Variants in FAM234A observed in about 807,000 individuals in gnomAD.
The protein encoded by FAM234A is family with sequence similarity 234 member A.
A neutral mutation model predicts 49.1 loss-of-function variants in FAM234A; 42 were observed. The ratio of observed to expected loss-of-function variants is 0.86; its 90% confidence interval spans 0.67 to 1.11. The LOEUF (loss-of-function observed/expected upper bound fraction) is 1.11, where lower values mean the gene tolerates loss of function less well. FAM234A is among the 50% of genes least tolerant of loss of function. The pLI, the probability that FAM234A is intolerant of heterozygous loss-of-function variation, is 0.00. For missense variants in FAM234A, 815 were observed against 745.2 expected, an observed-to-expected ratio of 1.09 and a Z score of -1.09; for synonymous variants, 369 against 316.2, an observed-to-expected ratio of 1.17 and a Z score of -1.77.
chr16:251,044 C>T (rs1463454677), intron 2 of FAM234A, among the ~76,000 whole-genome samples: 1 of 152,160 alleles, frequency 6.6e-6, no homozygotes, highest in Non-Finnish European at 1.5e-5. Context: ...GCAACTTCCA[C>T]CTCCCGGGTT....
chr16:245,664 G>GA lies in FAM234A; in HGVS notation c.-139-3874dup, dbSNP rs11321870. ...TAACACTAATGATAGCTGATGAGCT[G>GA]AAAAAAAAAAATTGCAAAAAAATCT... is the stretch of plus-strand genomic sequence containing the variant. On this transcript the variant is annotated intron_variant, in intron 1 of 12. Coordinates refer to ENST00000399932, the MANE Select transcript of FAM234A (RefSeq NM_032039.4). 1.6e-4 allele frequency among the ~76,000 whole-genome samples: 24 copies of GA among 148,394 alleles called. 1 individual carries two copies. Among genetic ancestry groups the GA allele is most frequent in the South Asian group, 6.4e-4 (3 of 4,702 alleles).
At chr16:251,091 G>C (rs1273137610) in intron 2 of FAM234A, among the ~76,000 whole-genome samples, 1 of 152,084 alleles carries the variant, frequency 6.6e-6, no homozygotes, top group East Asian at 1.9e-4. Flanking sequence ...CGAGTAGCTG[G>C]GATTACAAGC....
Position 264,087 on chromosome 16 carries a change from A to C in FAM234A, c.1260A>C (p.Pro420=). Reference sequence around the variant, plus strand: ...CCCTCCCGAGCCTCCCTGGGGGTCCACTGTCCGCCAGCCTGCCGACCGCAG... The same window carrying C: ...CCCTCCCGAGCCTCCCTGGGGGTCCCCTGTCCGCCAGCCTGCCGACCGCAG... ...SLALPSLPGG[P]LSASLPTADH... Residue 420 remains proline, a synonymous_variant, in exon 11 of 13, where the codon CCA becomes CCC. Coordinates refer to ENST00000399932, the MANE Select transcript of FAM234A (RefSeq NM_032039.4). The C allele has an allele frequency of 6.2e-7, 1 of 1,612,428 alleles. No individual in the cohort carries two copies. Among genetic ancestry groups the C allele is most frequent in the South Asian group, 1.1e-5 (1 of 91,046 alleles).
intron 1 of FAM234A, among the ~76,000 whole-genome samples, chr16:236,950 G>T (rs1182210145): frequency 6.6e-6 from 1 of 151,554 alleles, no homozygotes; most frequent in African/African-American, 2.4e-5. Flanking sequence ...TAGGGATGGG[G>T]TCTCTCTTTC....
Position 255,888 on chromosome 16 carries a change from C to T in FAM234A, c.268+1207C>T, listed in dbSNP as rs1218367354. Among the ~76,000 whole-genome samples, 10 of 152,342 alleles carry T rather than the reference C, an allele frequency of 6.6e-5. No homozygotes were observed. In the East Asian group the frequency reaches 1.9e-3, roughly 29 times the overall value. ...GTGTTGGTCAGGCTGGTCTCAAACT[C>T]CCGACCTCAGATGATCTGCCCGCTT... On this transcript the variant is annotated intron_variant, in intron 3 of 12. Transcript: ENST00000399932.
At chr16:266,237 A>C (rs576422761), downstream of FAM234A, 953 of 343,722 alleles carry the variant, frequency 2.8e-3, 8 homozygotes, top group African/African-American at 0.019. Flanking sequence ...GCTGCCGAGG[A>C]GGCGAGCACC....
At chr16:257,314 C>T (rs1286083067) in intron 3 of FAM234A, among the ~76,000 whole-genome samples, 3 of 138,074 alleles carry the variant, frequency 2.2e-5, no homozygotes, top group Non-Finnish European at 3.0e-5. Context: ...GGCGCGATCT[C>T]GGCTCACTGC....
Position 266,076 on chromosome 16 carries a change from AT to A in FAM234A, c.*1059del. Reference sequence around the variant, plus strand: ...CACCAAGGAAGAAAGCAGAATAAACATTTTTGCACTGCCTGAAAAACCCCGG... The same window carrying A: ...CACCAAGGAAGAAAGCAGAATAAACATTTTGCACTGCCTGAAAAACCCCGG... On this transcript the variant is annotated 3_prime_UTR_variant, in exon 13 of 13. Coordinates refer to ENST00000399932, the MANE Select transcript of FAM234A (RefSeq NM_032039.4). 3 of 985,766 alleles carry A rather than the reference AT, an allele frequency of 3.0e-6. No homozygotes were observed. The highest frequency in any genetic ancestry group is 3.6e-6 in the Non-Finnish European group (3 of 829,936). 61.1% of individuals were successfully genotyped at this position (985,766 alleles called of 1,614,324 possible). A position where few individuals can be genotyped will look rare whatever the true frequency, so the allele number is the denominator to read the frequency against.
At position 265,925 on chromosome 16, in the gene FAM234A, ATGCAGGACTCACCTCTG is replaced by A. The variant is rs2051680074; in HGVS notation, c.*907_*923del. 1 of 986,146 alleles carries A rather than the reference ATGCAGGACTCACCTCTG, an allele frequency of 1.0e-6. No individual in the cohort carries two copies. The highest frequency in any genetic ancestry group is 1.7e-5 in the African/African-American group (1 of 57,210). 61.1% of individuals were successfully genotyped at this position (986,146 alleles called of 1,614,324 possible). On this transcript the variant is annotated 3_prime_UTR_variant, in exon 13 of 13. Transcript: ENST00000399932. ...TCACACGCCCACGCCGTGCCACCCG[ATGCAGGACTCACCTCTG>A]TGCCTTGCTGCTCCTGAGGCCCAAG...
rs1017999253 is a variant in FAM234A, at chr16:234,863, T to A, written c.-140+6T>A. 1 of 152,136 alleles carries A rather than the reference T, an allele frequency of 6.6e-6. No individual in the cohort carries two copies. Among genetic ancestry groups the A allele is most frequent in the Non-Finnish European group, 1.5e-5 (1 of 68,110 alleles). The allele number at this position is 152,136 out of a possible 1,614,324, so 9.4% of individuals were successfully genotyped here. On this transcript the variant is annotated splice_donor_region_variant and intron_variant, in intron 1 of 12. Coordinates refer to ENST00000399932, the MANE Select transcript of FAM234A (RefSeq NM_032039.4). ...GTGAGAGGCCGCGGCGGCAGGTGAG[T>A]GAGCGCGGCCTCGTACTCGCGCGTG...
intron 9 of FAM234A, 83 bp from the exon 10 acceptor site, chr16:263,617 G>T: frequency 7.7e-7 from 1 of 1,303,502 alleles, no homozygotes; most frequent in South Asian, 1.2e-5. Flanking sequence ...GGAGACTGAG[G>T]GGCGGACGTG....
intron 2 of FAM234A, among the ~76,000 whole-genome samples, chr16:251,630 G>A (rs2141258006): frequency 6.7e-6 from 1 of 148,886 alleles, no homozygotes; most frequent in Non-Finnish European, 1.5e-5. Flanking sequence ...CACTCACTCG[G>A]ACTCCCAGAG....
intron 2 of FAM234A, among the ~76,000 whole-genome samples, chr16:252,210 GT>G (rs2051047061): frequency 7.3e-6 from 1 of 137,096 alleles, no homozygotes; most frequent in African/African-American, 2.8e-5. Flanking sequence ...TTGAGACAGA[GT>G]CTCACTGTCG....
chr16:254,349 G>T, intron 2 of FAM234A, 32 bp from the exon 3 acceptor site: 1 of 1,576,428 alleles, frequency 6.3e-7, no homozygotes. Context: ...TGGGACTGCT[G>T]GCCTCGCCGA....
intron 2 of FAM234A, among the ~76,000 whole-genome samples, chr16:251,236 G>A (rs1037231335): frequency 1.2e-4 from 19 of 152,264 alleles, no homozygotes; most frequent in East Asian, 1.9e-4. Flanking sequence ...GATCACAGGC[G>A]TGAGCCACTG....
chr16:260,103 T>C lies in FAM234A; in HGVS notation c.520T>C (p.Ser174Pro). ...VPQPRGSEAP[S>P]ACILVGRPSS... ...CCAGCCAAGAGGCAGTGAGGCACCT[T>C]CTGCCTGCATCCTGGTGGGCAGACC... The change falls in exon 5 of 13, where the codon TCT becomes CCT. Residue 174 changes from serine (S) to proline (P), a missense_variant. Transcript: ENST00000399932. 2 of 1,613,906 alleles carry C rather than the reference T, an allele frequency of 1.2e-6. No homozygotes were observed. Among genetic ancestry groups the C allele is most frequent in the Non-Finnish European group, 1.7e-6 (2 of 1,180,000 alleles).
At chr16:251,123 GT>G (rs561502578) in intron 2 of FAM234A, among the ~76,000 whole-genome samples, 11 of 151,928 alleles carry the variant, frequency 7.2e-5, no homozygotes, top group Non-Finnish European at 1.3e-4. Context: ...TGCCCATCTA[GT>G]TTTTTTGTAT....
intron 1 of FAM234A, among the ~76,000 whole-genome samples, chr16:238,720 C>T (rs929081981): frequency 3.1e-5 from 4 of 128,972 alleles, no homozygotes; most frequent in African/African-American, 6.0e-5. Context: ...GAGCAGAGAT[C>T]GTGCCACTGC....
intron 1 of FAM234A, among the ~76,000 whole-genome samples, chr16:237,612 C>T (rs1026958942): frequency 5.3e-5 from 8 of 152,042 alleles, no homozygotes; most frequent in African/African-American, 1.7e-4. Context: ...ATGGAACTTT[C>T]CTTAGGGCCC....
Sources: allele counts gnomAD v4.1 joint callset (sites outside exome capture counted in the v4.1 genomes callset), GRCh38; gene constraint gnomAD v4.1.1; transcripts MANE v1.5; gene names NCBI Gene and HGNC (gene_info 2026-07-23, HGNC 2026-07-21).